USP10: variants seen among roughly 807,000 people sequenced by gnomAD.
The protein encoded by USP10 is ubiquitin specific peptidase 10.
Under a neutral mutation model 84.5 loss-of-function variants are expected in USP10, and 22 were observed. The ratio of observed to expected loss-of-function variants is 0.26; its 90% CI spans 0.19 to 0.37. The LOEUF (loss-of-function observed/expected upper bound fraction) is 0.37. Among genes scored for constraint, USP10 ranks in the 10% least tolerant of loss-of-function variants. USP10 has a pLI of 1.00. For synonymous variants in USP10, 454 were observed against 387.6 expected (o/e 1.17, Z -2.01); for missense variants, 1,019 against 998.9 (o/e 1.02, Z -0.27).
At chr16:84,716,793 T>C (rs1226947435) in intron 1 of USP10, among the ~76,000 whole-genome samples, 1 of 152,222 alleles carries the variant, frequency 6.6e-6, no homozygotes, top group African/African-American at 2.4e-5. Context: ...TACCTTTATA[T>C]ACACCTTACA....
At chr16:84,778,761 C>T (rs116156397) in intron 13 of USP10, 134 bp from the exon 14 acceptor site, 3 of 832,156 alleles carry the variant, frequency 3.6e-6, no homozygotes, top group East Asian at 2.7e-5. Context: ...TGTGTGATGA[C>T]ATCTCTCTGT....
At chr16:84,730,615 G>A (rs188870137) in intron 1 of USP10, among the ~76,000 whole-genome samples, 159 of 152,250 alleles carry the variant, frequency 1.0e-3, no homozygotes, top group Non-Finnish European at 1.1e-3. Context: ...TGGTGTCTGC[G>A]TTTGAAACAG....
At chr16:84,720,917 G>A (rs898674068) in intron 1 of USP10, among the ~76,000 whole-genome samples, 6 of 141,078 alleles carry the variant, frequency 4.3e-5, no homozygotes, top group Non-Finnish European at 9.1e-5. Flanking sequence ...TTTTTGGGAA[G>A]GAGTCTCGCT....
intron 4 of USP10, among the ~76,000 whole-genome samples, chr16:84,755,510 C>T (rs2150841212): frequency 6.6e-6 from 1 of 152,206 alleles, no homozygotes; most frequent in Middle Eastern, 3.4e-3. Flanking sequence ...TCCAGCCCTG[C>T]ACTCTGGGGA....
intron 8 of USP10, 33 bp from the exon 9 acceptor site, chr16:84,762,956 T>C: frequency 6.9e-7 from 1 of 1,458,788 alleles, no homozygotes; most frequent in Non-Finnish European, 9.6e-7. Context: ...AGTGATCAGT[T>C]CACAGTAACG....
chr16:84,717,539 G>A (rs1907202361), intron 1 of USP10, among the ~76,000 whole-genome samples: 3 of 152,102 alleles, frequency 2.0e-5, no homozygotes, highest in Non-Finnish European at 2.9e-5. Flanking sequence ...ATTTAGCTTG[G>A]TGACAAGCTG....
At chr16:84,776,615 C>A (rs192433414) in intron 13 of USP10, among the ~76,000 whole-genome samples, 1 of 152,258 alleles carries the variant, frequency 6.6e-6, no homozygotes, top group South Asian at 2.1e-4. Flanking sequence ...CCAGCAGTTT[C>A]TCCGCCTTCT....
At chr16:84,733,940 C>G (rs1340221963) in intron 2 of USP10, among the ~76,000 whole-genome samples, 1 of 152,184 alleles carries the variant, frequency 6.6e-6, no homozygotes, top group Non-Finnish European at 1.5e-5. Flanking sequence ...ACGTTGTATT[C>G]TTTATGCTAA....
chr16:84,718,701 A>T (rs1484595831), intron 1 of USP10, among the ~76,000 whole-genome samples: 1 of 149,666 alleles, frequency 6.7e-6, no homozygotes, highest in Admixed American at 6.7e-5. Flanking sequence ...GGTTGCAGTG[A>T]ACTGAGATTG....
chr16:84,729,794 G>A (rs1027496402), intron 1 of USP10, among the ~76,000 whole-genome samples: 4 of 152,198 alleles, frequency 2.6e-5, no homozygotes, highest in African/African-American at 9.7e-5. Flanking sequence ...CAGTGTTAAG[G>A]AAATTAAGTT....
rs368825061 is a variant in USP10 at position 84,755,740 on chromosome 16, G to A, written c.1193-2976G>A. ...TTGAGACCCAGAGGCGGAGGTTGGA[G>A]TGAGCTAGGATGGTGCCACTGCATT... is the stretch of plus-strand genomic sequence containing the variant. On this transcript the variant is annotated intron_variant, in intron 4 of 13. Coordinates refer to ENST00000219473, the MANE Select transcript of USP10 (RefSeq NM_005153.3). 1.2e-4 allele frequency among the ~76,000 whole-genome samples: 18 copies of A among 151,832 alleles called. 1 individual carries two copies. The East Asian group carries it at 2.5e-3, about 21-fold the overall frequency.
At chr16:84,777,804 A>G (rs757302766) in intron 13 of USP10, among the ~76,000 whole-genome samples, 3 of 152,106 alleles carry the variant, frequency 2.0e-5, no homozygotes, top group Non-Finnish European at 4.4e-5. Flanking sequence ...GAAATTCCCT[A>G]CCAGCCAAGT....
chr16:84,738,266 A>T (rs377492307), intron 2 of USP10, among the ~76,000 whole-genome samples: 1 of 152,194 alleles, frequency 6.6e-6, no homozygotes, highest in Non-Finnish European at 1.5e-5. Flanking sequence ...AACTGTTTTG[A>T]CTCAGAAAAA....
At chr16:84,766,210 C>T (rs1913844529) in intron 10 of USP10, among the ~76,000 whole-genome samples, 1 of 152,238 alleles carries the variant, frequency 6.6e-6, no homozygotes, top group African/African-American at 2.4e-5. Flanking sequence ...AGCTGGTTTC[C>T]CGTCCTCTGT....
rs746064074 is a variant in USP10, at chr16:84,759,866, T to C, written c.1395-25T>C. Reference sequence around the variant, plus strand: ...GTATATATTGTTTAAAACTGCACTATTTAACATTTTTTCCCCATGTTTAGT... The same window carrying C: ...GTATATATTGTTTAAAACTGCACTACTTAACATTTTTTCCCCATGTTTAGT... On this transcript the variant is annotated intron_variant, in intron 6 of 13. Coordinates refer to ENST00000219473, the MANE Select transcript of USP10 (RefSeq NM_005153.3). The C allele has an allele frequency of 4.3e-6, 7 of 1,612,194 alleles. No individual in the cohort carries two copies. The South Asian group carries it at 7.7e-5, about 18-fold the overall frequency.
At chr16:84,713,362 C>A (rs555528001) in intron 1 of USP10, among the ~76,000 whole-genome samples, 1 of 152,108 alleles carries the variant, frequency 6.6e-6, no homozygotes, top group African/African-American at 2.4e-5. Flanking sequence ...CATCTTCTTA[C>A]ACCCACTTTA....
At chr16:84,737,563 G>A (rs1012081101) in intron 2 of USP10, among the ~76,000 whole-genome samples, 1 of 152,220 alleles carries the variant, frequency 6.6e-6, no homozygotes, top group Non-Finnish European at 1.5e-5. Context: ...ATTCCTGCAG[G>A]TGCGCTCTTT....
chr16:84,717,437 AC>A, intron 1 of USP10, among the ~76,000 whole-genome samples: 1 of 152,100 alleles, frequency 6.6e-6, no homozygotes, highest in Non-Finnish European at 1.5e-5. Flanking sequence ...TCCTTCCCTG[AC>A]CCCAGTTCTT....
intron 3 of USP10, 68 bp from the exon 4 acceptor site, chr16:84,744,565 G>C: frequency 1.4e-6 from 2 of 1,380,730 alleles, no homozygotes; most frequent in Non-Finnish European, 1.9e-6. Flanking sequence ...CAAAGAGAAA[G>C]TGAGTAATTA....
Sources: gnomAD v4.1 joint callset for allele counts (sites outside exome capture counted in the v4.1 genomes callset) on GRCh38, gnomAD v4.1.1 for gene constraint, MANE v1.5 for transcripts, NCBI Gene and HGNC (gene_info 2026-07-23, HGNC 2026-07-21) for gene names.